ABLIM2: variants seen among roughly 807,000 people sequenced by gnomAD.
ABLIM2 encodes actin binding LIM protein family member 2.
In ABLIM2, 53 loss-of-function variants were observed where a neutral mutation model predicts 97.7. That is an observed-to-expected ratio of 0.54 (90% CI 0.44 to 0.68). The LOEUF (loss-of-function observed/expected upper bound fraction) is 0.68, where lower values mean the gene tolerates loss of function less well. Among genes scored for constraint, ABLIM2 ranks in the 30% least tolerant of loss-of-function variants. The pLI is 0.00. For missense variants in ABLIM2, 835 were observed against 867.2 expected, an observed-to-expected ratio of 0.96 and a Z score of 0.47; for synonymous variants, 361 against 345.8, an observed-to-expected ratio of 1.04 and a Z score of -0.49.
rs1342354219 is a variant in ABLIM2, at chr4:8,091,642, TTTATATA to T, written c.339-3365_339-3359del. 2.4e-4 allele frequency among the ~76,000 whole-genome samples: 14 copies of T among 57,452 alleles called. 2 individuals carry two copies. Among genetic ancestry groups the T allele is most frequent in the African/African-American group, 1.2e-3 (14 of 11,904 alleles). The allele number at this position is 57,452 out of a possible 152,430, so 37.7% of individuals were successfully genotyped here. A position where few individuals can be genotyped will look rare whatever the true frequency, so the allele number is the denominator to read the frequency against. ...TTTTATATAAAATTATATATATAAT[TTTATATA>T]TTATATAATTATATATTATATAAAA... is the stretch of plus-strand genomic sequence containing the variant. On this transcript the variant is annotated intron_variant, in intron 3 of 20. Coordinates refer to ENST00000447017, the MANE Select transcript of ABLIM2 (RefSeq NM_001130083.2).
At chr4:8,045,818 T>C (rs1477441915) in intron 8 of ABLIM2, among the ~76,000 whole-genome samples, 1 of 152,138 alleles carries the variant, frequency 6.6e-6, no homozygotes, top group Non-Finnish European at 1.5e-5. Context: ...AAGCTCCGGT[T>C]ATGCTCAGAG....
At chr4:8,110,135 G>A (rs897360812) in intron 1 of ABLIM2, among the ~76,000 whole-genome samples, 3 of 152,272 alleles carry the variant, frequency 2.0e-5, no homozygotes, top group Admixed American at 6.5e-5. Flanking sequence ...GCTGCCACAC[G>A]GGTGATGCAC....
intron 12 of ABLIM2, among the ~76,000 whole-genome samples, chr4:8,024,898 A>G (rs948889887): frequency 4.6e-5 from 7 of 152,146 alleles, no homozygotes; most frequent in Admixed American, 1.3e-4. Context: ...CAGACACCAG[A>G]GAGGTGGCCA....
At chr4:8,020,443 AAGGAG>A in intron 12 of ABLIM2, 140 bp from the exon 13 acceptor site, 5 of 787,096 alleles carry the variant, frequency 6.4e-6, no homozygotes, top group South Asian at 1.5e-5. Flanking sequence ...TGCCCAGGGG[AAGGAG>A]TGTGGGCCTC....
chr4:8,147,687 G>C lies in ABLIM2; in HGVS notation c.10+10993C>G, dbSNP rs558701653. On this transcript the variant is annotated intron_variant, in intron 1 of 20. Coordinates refer to ENST00000447017, the MANE Select transcript of ABLIM2 (RefSeq NM_001130083.2). This position sits in a 1 kb window ranked among gnomAD's most constrained non-coding sequence, Gnocchi z 5.3. ...TCTGGCAGCCACCAAAGCTGCAGGG[G>C]TGAGGACTGAGCCTCCCCTGAGCCC... Among the ~76,000 whole-genome samples the C allele has an allele frequency of 6.6e-6, 1 of 152,342 alleles. No individual in the cohort carries two copies. Among genetic ancestry groups the C allele is most frequent in the African/African-American group, 2.4e-5 (1 of 41,576 alleles).
At chr4:8,104,458 G>C (rs1836199455) in intron 2 of ABLIM2, among the ~76,000 whole-genome samples, 3 of 152,196 alleles carry the variant, frequency 2.0e-5, no homozygotes, top group African/African-American at 7.2e-5. Context: ...TGAGGGCTGA[G>C]CCAGGCTGTG....
Position 8,122,666 on chromosome 4 carries a change from C to T in ABLIM2, c.11-16029G>A, listed in dbSNP as rs1416330607. 6.6e-6 allele frequency among the ~76,000 whole-genome samples: 1 copy of T among 152,212 alleles called. No individual in the cohort carries two copies. The highest frequency in any genetic ancestry group is 1.5e-5 in the Non-Finnish European group (1 of 68,030). ...AGTGTGAATGCTAGGGGAACATGAA[C>T]ATTCACTTCTTAACACCATCCACTG... On this transcript the variant is annotated intron_variant, in intron 1 of 20. Transcript: ENST00000447017. The surrounding 1 kb of genome is among the most constrained non-coding windows in gnomAD (Gnocchi z 4.1).
chr4:7,983,561 G>T lies in ABLIM2; in HGVS notation c.1736-7C>A. 1 of 1,610,118 alleles carries T rather than the reference G, an allele frequency of 6.2e-7. No homozygotes were observed. The highest frequency in any genetic ancestry group is 8.5e-7 in the Non-Finnish European group (1 of 1,177,650). On this transcript the variant is annotated splice_polypyrimidine_tract_variant and splice_region_variant and intron_variant, in intron 18 of 20. Coordinates refer to ENST00000447017, the MANE Select transcript of ABLIM2 (RefSeq NM_001130083.2). ...GCCCCGCTTACCTTGTATTCTGTAA[G>T]AGAGAGAGAGCGGAGACCACGAAAT...
At chr4:8,089,215 TGAGG>T (rs1233212236) in intron 3 of ABLIM2, among the ~76,000 whole-genome samples, 1 of 152,142 alleles carries the variant, frequency 6.6e-6, no homozygotes, top group Non-Finnish European at 1.5e-5. Flanking sequence ...CTTTGGAAAC[TGAGG>T]GATGGCTCAA....
chr4:8,154,550 G>T (rs548744507), intron 1 of ABLIM2, among the ~76,000 whole-genome samples: 1 of 152,134 alleles, frequency 6.6e-6, no homozygotes, highest in Non-Finnish European at 1.5e-5. Context: ...AAAGTGCTGG[G>T]ATTACAGGCG....
chr4:8,157,822 C>A (rs1032730571), intron 1 of ABLIM2, among the ~76,000 whole-genome samples: 1 of 152,274 alleles, frequency 6.6e-6, no homozygotes, highest in African/African-American at 2.4e-5. Context: ...AAGCCTGGTG[C>A]GCCTCGGGTC....
chr4:8,062,837 G>A (rs1311731892), intron 6 of ABLIM2, among the ~76,000 whole-genome samples: 2 of 152,186 alleles, frequency 1.3e-5, no homozygotes, highest in Non-Finnish European at 2.9e-5. Context: ...GTTGTCAACT[G>A]CTGGCTCACT....
At chr4:8,136,177 C>T (rs1850169074) in intron 1 of ABLIM2, among the ~76,000 whole-genome samples, 1 of 152,198 alleles carries the variant, frequency 6.6e-6, no homozygotes, top group Non-Finnish European at 1.5e-5. Context: ...CTTGAGGACA[C>T]CATGCCCAGT....
At chr4:8,076,153 T>A (rs1159466595) in intron 6 of ABLIM2, among the ~76,000 whole-genome samples, 4 of 152,040 alleles carry the variant, frequency 2.6e-5, no homozygotes, top group Non-Finnish European at 5.9e-5. Flanking sequence ...GCTGGGGAAG[T>A]GAGACACAGT....
chr4:7,989,522 A>G, intron 17 of ABLIM2: 7 of 655,014 alleles, frequency 1.1e-5, no homozygotes, highest in Non-Finnish European at 1.3e-5. Flanking sequence ...CTCCATAATG[A>G]ATTAGTGTTC....
chr4:8,011,907 A>G (rs746579354), intron 14 of ABLIM2, among the ~76,000 whole-genome samples: 6 of 152,018 alleles, frequency 3.9e-5, no homozygotes, highest in Non-Finnish European at 7.4e-5. Context: ...CCCAAACCCC[A>G]TCTTATAATT....
chr4:8,013,566 A>G (rs565245057), intron 14 of ABLIM2, among the ~76,000 whole-genome samples: 11 of 152,278 alleles, frequency 7.2e-5, no homozygotes, highest in South Asian at 4.1e-4. Flanking sequence ...ATAATAATAG[A>G]TGCTATGAAC....
chr4:8,084,871 G>C (rs1192843362), intron 4 of ABLIM2, among the ~76,000 whole-genome samples: 1 of 152,224 alleles, frequency 6.6e-6, no homozygotes, highest in African/African-American at 2.4e-5. Context: ...GTCCACCCAG[G>C]GTATCTGGGC....
chr4:8,074,540 C>T (rs1224513382), intron 6 of ABLIM2, among the ~76,000 whole-genome samples: 1 of 152,190 alleles, frequency 6.6e-6, no homozygotes, highest in East Asian at 1.9e-4. Flanking sequence ...ATCTTGTTGA[C>T]AAGATTGTAA....
Sources: gnomAD v4.1 joint callset for allele counts (sites outside exome capture counted in the v4.1 genomes callset) on GRCh38, gnomAD v4.1.1 for gene constraint, Gnocchi (gnomAD v3.1) non-coding constraint, MANE v1.5 for transcripts, NCBI Gene and HGNC (gene_info 2026-07-23, HGNC 2026-07-21) for gene names.